The following DGKB variants were observed in gnomAD, a reference collection of about 807,000 sequenced individuals.
DGKB encodes the protein diacylglycerol kinase beta, also known as 90 kDa diacylglycerol kinase.
DGKB carries 67 observed loss-of-function variants against 114.3 expected under a neutral mutation model. The observed-to-expected ratio is 0.59, with a 90% CI of 0.48 to 0.72. DGKB has a LOEUF of 0.72. Among genes scored for constraint, DGKB ranks in the 30% least tolerant of loss-of-function variants. The probability of loss-of-function intolerance (pLI) is 0.00; values close to 1 mark genes in which losing one functional copy is unlikely to be tolerated. For synonymous variants in DGKB, 398 were observed against 323.1 expected, an observed-to-expected ratio of 1.23 and a Z score of -2.49; for missense variants, 907 against 975.2, an observed-to-expected ratio of 0.93 and a Z score of 0.93.
chr7:14,545,238 C>A (rs983109323), intron 20 of DGKB, among the ~76,000 whole-genome samples: 3 of 151,732 alleles, frequency 2.0e-5, no homozygotes, highest in African/African-American at 7.3e-5. Flanking sequence ...AAAGACAACT[C>A]GGGGGAAAAA....
chr7:14,378,395 T>C (rs1338213717), intron 21 of DGKB, among the ~76,000 whole-genome samples: 1 of 152,212 alleles, frequency 6.6e-6, no homozygotes, highest in African/African-American at 2.4e-5. Flanking sequence ...AAGTGTATCA[T>C]GATTATGTAA....
intron 25 of DGKB, among the ~76,000 whole-genome samples, chr7:14,156,577 T>C (rs10273051): frequency 0.078 from 11,944 of 152,216 alleles, 570 homozygotes; most frequent in African/African-American, 0.12. Flanking sequence ...TTTAAAAATA[T>C]GAAAACTCTT....
At chr7:14,677,622 C>A (rs962914802) in intron 12 of DGKB, among the ~76,000 whole-genome samples, 1 of 151,900 alleles carries the variant, frequency 6.6e-6, no homozygotes, top group East Asian at 1.9e-4. Flanking sequence ...TCCTGCCTGA[C>A]CAGTGAGAGC....
chr7:14,531,924 A>G (rs879867840), intron 20 of DGKB, among the ~76,000 whole-genome samples: 3 of 151,356 alleles, frequency 2.0e-5, no homozygotes, highest in African/African-American at 7.2e-5. Flanking sequence ...AATAGAGAAA[A>G]TAATAGAACT....
intron 23 of DGKB, among the ~76,000 whole-genome samples, chr7:14,246,744 G>A (rs934969715): frequency 5.3e-5 from 8 of 151,974 alleles, no homozygotes; most frequent in African/African-American, 1.9e-4. Flanking sequence ...TGATGTACAT[G>A]CAAATTGTGA....
chr7:14,517,840 G>T (rs541410151), intron 20 of DGKB, among the ~76,000 whole-genome samples: 111 of 152,160 alleles, frequency 7.3e-4, no homozygotes, highest in African/African-American at 2.6e-3. Flanking sequence ...TGGAGAAAAG[G>T]GAACACTTAT....
intron 23 of DGKB, among the ~76,000 whole-genome samples, chr7:14,234,042 G>T (rs1792359855): frequency 6.6e-6 from 1 of 152,020 alleles, no homozygotes; most frequent in African/African-American, 2.4e-5. Context: ...GGTCCCCCTT[G>T]CCTGGCAAGT....
chr7:14,445,281 CT>C (rs1830579949), intron 21 of DGKB, among the ~76,000 whole-genome samples: 1 of 151,750 alleles, frequency 6.6e-6, no homozygotes, highest in Admixed American at 6.6e-5. Context: ...CTTGATTTCC[CT>C]TTTCCCACTA....
At chr7:14,551,370 G>A (rs908955322) in intron 20 of DGKB, among the ~76,000 whole-genome samples, 1 of 152,192 alleles carries the variant, frequency 6.6e-6, no homozygotes, top group Non-Finnish European at 1.5e-5. Flanking sequence ...TTTTTACACA[G>A]CATGTGATAC....
rs1797517262 is a variant in DGKB, at chr7:14,567,128, T to C, written c.1770+7084A>G. On this transcript the variant is annotated intron_variant, in intron 20 of 25. Coordinates refer to ENST00000402815, the MANE Select transcript of DGKB (RefSeq NM_001350709.2). ...TGTTTATATATATTATATAAATATA[T>C]AATTATATGTTTATATATATAATAT... Among the ~76,000 whole-genome samples, 7 of 112,928 alleles carry C rather than the reference T, an allele frequency of 6.2e-5. No homozygotes were observed. In the South Asian group the frequency reaches 1.6e-3, roughly 26 times the overall value. 74.1% of individuals were successfully genotyped at this position (112,928 alleles called of 152,430 possible). A position where few individuals can be genotyped will look rare whatever the true frequency, so the allele number is the denominator to read the frequency against.
intron 1 of DGKB, among the ~76,000 whole-genome samples, chr7:14,894,856 A>G (rs1007981738): frequency 6.6e-6 from 1 of 151,606 alleles, no homozygotes; most frequent in Admixed American, 6.6e-5. Context: ...CCTCCCATAA[A>G]TGGCTTTTAT....
At chr7:14,198,750 A>G (rs960494997) in intron 23 of DGKB, among the ~76,000 whole-genome samples, 3 of 152,022 alleles carry the variant, frequency 2.0e-5, no homozygotes, top group Non-Finnish European at 1.5e-5. Context: ...TATCCTAGAT[A>G]TTGTAAGAAA....
intron 7 of DGKB, among the ~76,000 whole-genome samples, chr7:14,700,065 C>T (rs955172241): frequency 4.6e-5 from 7 of 151,986 alleles, no homozygotes; most frequent in African/African-American, 1.7e-4. Flanking sequence ...AAGTGCTATA[C>T]TAAGCATATT....
At chr7:14,972,098 G>A (rs560331028) in intron 1 of DGKB, among the ~76,000 whole-genome samples, 1 of 151,952 alleles carries the variant, frequency 6.6e-6, no homozygotes, top group Non-Finnish European at 1.5e-5. Flanking sequence ...AGAAAATAAT[G>A]GCAGGCCAGT....
chr7:14,514,619 A>T (rs75107934), intron 20 of DGKB, among the ~76,000 whole-genome samples: 1,959 of 152,322 alleles, frequency 0.013, 43 homozygotes, highest in East Asian at 0.093. Context: ...GATGCTCATC[A>T]GAATCACATA....
chr7:14,328,522 C>A (rs1469324807), intron 23 of DGKB, among the ~76,000 whole-genome samples: 1 of 152,002 alleles, frequency 6.6e-6, no homozygotes, highest in African/African-American at 2.4e-5. Flanking sequence ...TTCAAAGATA[C>A]ATTTTCTTTC....
intron 23 of DGKB, among the ~76,000 whole-genome samples, chr7:14,226,532 T>C (rs1231103091): frequency 1.3e-5 from 2 of 152,052 alleles, no homozygotes; most frequent in Non-Finnish European, 2.9e-5. Flanking sequence ...AGTATTTTAA[T>C]TGGCATTCTG....
At chr7:14,754,522 A>G (rs968731490) in intron 3 of DGKB, among the ~76,000 whole-genome samples, 12 of 152,120 alleles carry the variant, frequency 7.9e-5, no homozygotes, top group Admixed American at 4.6e-4. Context: ...CTTTCTTCCC[A>G]TATCTCAGCT....
chr7:14,782,333 T>G (rs575051807), intron 2 of DGKB, among the ~76,000 whole-genome samples: 12 of 152,330 alleles, frequency 7.9e-5, no homozygotes, highest in African/African-American at 2.6e-4. Flanking sequence ...CGGCCTGAAT[T>G]TTTAAATGAA....
Sources: allele counts gnomAD v4.1 joint callset (sites outside exome capture counted in the v4.1 genomes callset), GRCh38; gene constraint gnomAD v4.1.1; transcripts MANE v1.5; gene names NCBI Gene and HGNC (gene_info 2026-07-23, HGNC 2026-07-21).